Variants in CSGALNACT1 observed in about 807,000 individuals in gnomAD.
CSGALNACT1 encodes the protein beta4GalNAcT-1.
In CSGALNACT1, 52 loss-of-function variants were observed where a neutral mutation model predicts 51.0. That is an observed-to-expected ratio of 1.02 (90% CI 0.82 to 1.29). CSGALNACT1 has a LOEUF of 1.29. Ranked by LOEUF, CSGALNACT1 falls within the 50% of genes most tolerant of loss-of-function variation. The pLI, the probability that CSGALNACT1 is intolerant of heterozygous loss-of-function variation, is 0.00. For synonymous variants in CSGALNACT1, 341 were observed against 254.4 expected (o/e 1.34, Z -3.24); for missense variants, 935 against 679.2 (o/e 1.38, Z -4.19).
intron 5 of CSGALNACT1, 45 bp from the exon 5 acceptor site, chr8:19,439,976 G>A: frequency 6.8e-7 from 1 of 1,474,514 alleles, no homozygotes; most frequent in South Asian, 1.1e-5. Flanking sequence ...TTTTCACACT[G>A]ACAGGCACAG....
exon 4 of CSGALNACT1, chr8:19,505,838 G>A (rs772411325): frequency 5.0e-6 from 8 of 1,609,432 alleles, no homozygotes; most frequent in Non-Finnish European, 6.8e-6. Flanking sequence ...TCATCATTCA[G>A]GAATCAGCCA....
chr8:19,565,151 CT>C (rs2041640606), intron 3 of CSGALNACT1, among the ~76,000 whole-genome samples: 2 of 152,218 alleles, frequency 1.3e-5, no homozygotes, highest in African/African-American at 4.8e-5. Context: ...TTATGTATCA[CT>C]TTACAGACTT....
At chr8:19,640,442 T>C (rs868626205) in intron 1 of CSGALNACT1, among the ~76,000 whole-genome samples, 2 of 152,176 alleles carry the variant, frequency 1.3e-5, no homozygotes, top group Non-Finnish European at 2.9e-5. Flanking sequence ...TGACTGAACA[T>C]CAAACTGCTG....
At chr8:19,526,384 A>G (rs1453938010) in intron 3 of CSGALNACT1, among the ~76,000 whole-genome samples, 2 of 152,162 alleles carry the variant, frequency 1.3e-5, no homozygotes, top group East Asian at 1.9e-4. Flanking sequence ...AGAGAATGAG[A>G]CCATCCTAGC....
intron 3 of CSGALNACT1, among the ~76,000 whole-genome samples, chr8:19,526,712 A>G (rs1207171160): frequency 6.6e-6 from 1 of 152,224 alleles, no homozygotes; most frequent in Non-Finnish European, 1.5e-5. Flanking sequence ...AACCATTTCT[A>G]AAAACATCAC....
chr8:19,724,573 C>T (rs1414965754), intron 1 of CSGALNACT1, among the ~76,000 whole-genome samples: 1 of 152,208 alleles, frequency 6.6e-6, no homozygotes, highest in East Asian at 1.9e-4. Flanking sequence ...TTCATCACAT[C>T]AAACTCCCTT....
At chr8:19,719,994 C>T (rs997230674) in intron 1 of CSGALNACT1, among the ~76,000 whole-genome samples, 4 of 152,184 alleles carry the variant, frequency 2.6e-5, no homozygotes, top group African/African-American at 4.8e-5. Flanking sequence ...GCTGGCTCAT[C>T]CCTTTTGACC....
chr8:19,591,871 G>T (rs915894638), intron 2 of CSGALNACT1, among the ~76,000 whole-genome samples: 1 of 152,226 alleles, frequency 6.6e-6, no homozygotes. Context: ...TACAGTATTT[G>T]CTATATTATA....
chr8:19,499,629 G>A (rs2076077891), intron 4 of CSGALNACT1, among the ~76,000 whole-genome samples: 1 of 152,184 alleles, frequency 6.6e-6, no homozygotes, highest in African/African-American at 2.4e-5. Context: ...CCAGTCCATG[G>A]TCAAAAGAGC....
chr8:19,463,956 C>T (rs548530930), intron 4 of CSGALNACT1, among the ~76,000 whole-genome samples: 1 of 152,294 alleles, frequency 6.6e-6, no homozygotes, highest in South Asian at 2.1e-4. Flanking sequence ...GGTGCAGACC[C>T]CTCTCTGTGC....
Position 19,751,614 on chromosome 8 carries a change from C to T in CSGALNACT1, c.-297+6236G>A, listed in dbSNP as rs1041817776. Reference sequence around the variant, plus strand: ...TATATTGATATGGTTGGGTTCTATGCCCCCACCGAAATCTCATGTCAAATT... The same window carrying T: ...TATATTGATATGGTTGGGTTCTATGTCCCCACCGAAATCTCATGTCAAATT... On this transcript the variant is annotated intron_variant, in intron 1 of 1. Transcript: ENST00000517494. Among the ~76,000 whole-genome samples the T allele has an allele frequency of 3.9e-5, 6 of 152,176 alleles. No individual in the cohort carries two copies. The East Asian group carries it at 9.7e-4, about 24-fold the overall frequency.
At chr8:19,554,973 C>T (rs1399226283) in intron 3 of CSGALNACT1, among the ~76,000 whole-genome samples, 1 of 150,344 alleles carries the variant, frequency 6.7e-6, no homozygotes, top group African/African-American at 2.5e-5. Context: ...GGCGTGGTGG[C>T]TCATGCCTGT....
Position 19,676,083 on chromosome 8 carries a change from T to TAAAAAAAAAAAAAAA in CSGALNACT1, c.-544+6389_-544+6390insTTTTTTTTTTTTTTT, listed in dbSNP as rs1564404826. On this transcript the variant is annotated intron_variant, in intron 1 of 9. Coordinates refer to the CSGALNACT1 transcript ENST00000332246. The stretch of plus-strand genomic sequence containing the variant: ...CCACGATGGATGGTGGTTGTCTGAT[T>TAAAAAAAAAAAAAAA]TAAAAAACAAAACAAAACAAAAAAA... Among the ~76,000 whole-genome samples, 37 of 59,144 alleles carry TAAAAAAAAAAAAAAA rather than the reference T, an allele frequency of 6.3e-4. 1 individual carries two copies. Among genetic ancestry groups the TAAAAAAAAAAAAAAA allele is most frequent in the African/African-American group, 1.7e-3 (36 of 21,338 alleles). 38.8% of individuals were successfully genotyped at this position (59,144 alleles called of 152,430 possible).
At chr8:19,533,720 C>T in intron 3 of CSGALNACT1, among the ~76,000 whole-genome samples, 1 of 152,138 alleles carries the variant, frequency 6.6e-6, no homozygotes, top group Non-Finnish European at 1.5e-5. Flanking sequence ...CAGAATAACG[C>T]TTAGTTTCAG....
chr8:19,572,379 G>A (rs2043219428), intron 3 of CSGALNACT1, among the ~76,000 whole-genome samples: 1 of 152,142 alleles, frequency 6.6e-6, no homozygotes, highest in African/African-American at 2.4e-5. Context: ...GCTTAACACT[G>A]ATTCTAAGAG....
intron 4 of CSGALNACT1, among the ~76,000 whole-genome samples, chr8:19,484,310 G>A (rs1023281097): frequency 5.3e-5 from 8 of 152,186 alleles, no homozygotes; most frequent in African/African-American, 1.9e-4. Flanking sequence ...TCTATGAGAA[G>A]AATGAGGAAA....
At chr8:19,423,341 A>C (rs1394120957) in intron 6 of CSGALNACT1, among the ~76,000 whole-genome samples, 1 of 152,266 alleles carries the variant, frequency 6.6e-6, no homozygotes, top group Non-Finnish European at 1.5e-5. Context: ...AGGAAACAGC[A>C]TGAAAGAAAT....
chr8:19,662,205 G>A (rs990080159), intron 1 of CSGALNACT1, among the ~76,000 whole-genome samples: 14 of 151,292 alleles, frequency 9.3e-5, no homozygotes, highest in African/African-American at 2.7e-4. Context: ...TCAACATGGT[G>A]AAACCCCATC....
chr8:19,606,460 C>G (rs2051385381), upstream of CSGALNACT1, among the ~76,000 whole-genome samples: 1 of 152,152 alleles, frequency 6.6e-6, no homozygotes, highest in African/African-American at 2.4e-5. Flanking sequence ...TTGTGTGTTA[C>G]TATACAATAT....
Sources: gnomAD v4.1 joint callset for allele counts (sites outside exome capture counted in the v4.1 genomes callset) on GRCh38, gnomAD v4.1.1 for gene constraint, MANE v1.5 for transcripts, NCBI Gene and HGNC (gene_info 2026-07-23, HGNC 2026-07-21) for gene names.